Variants in TNNI3K observed in about 807,000 individuals in gnomAD.
The protein encoded by TNNI3K is serine/threonine-protein kinase TNNI3K.
TNNI3K carries 140 observed loss-of-function variants against 114.5 expected under a neutral mutation model. That is an observed-to-expected ratio of 1.22 (90% CI 1.07 to 1.41). TNNI3K has a LOEUF of 1.41. Among genes scored for constraint, TNNI3K ranks in the 40% most tolerant of loss-of-function variants. TNNI3K has a pLI of 0.00. For synonymous variants in TNNI3K, 347 were observed against 347.5 expected (o/e 1.00, Z 0.02); for missense variants, 1,125 against 1,007.6 (o/e 1.12, Z -1.58).
At chr1:74,252,939 T>C (rs1198124211) in intron 4 of TNNI3K, among the ~76,000 whole-genome samples, 2 of 152,192 alleles carry the variant, frequency 1.3e-5, no homozygotes, top group Non-Finnish European at 2.9e-5. Context: ...TATTCTCTTA[T>C]CTGGCCCCCA....
intron 5 of TNNI3K, among the ~76,000 whole-genome samples, chr1:74,317,382 A>C (rs2100371325): frequency 6.6e-6 from 1 of 152,328 alleles, no homozygotes; most frequent in East Asian, 1.9e-4. Context: ...TACAAATATT[A>C]ACTCTCAATC....
chr1:74,346,872 T>C (rs1228463470), intron 9 of TNNI3K, among the ~76,000 whole-genome samples: 4 of 151,886 alleles, frequency 2.6e-5, no homozygotes, highest in African/African-American at 9.7e-5. Flanking sequence ...TTCACATGGC[T>C]GCCTCTCTGT....
At chr1:74,240,312 CT>C (rs2100827487) in intron 2 of TNNI3K, 1 of 156,870 alleles carries the variant, frequency 6.4e-6, no homozygotes, top group East Asian at 1.8e-4. Flanking sequence ...ATGTAAAGTG[CT>C]TTAGCACAGT....
intron 24 of TNNI3K, among the ~76,000 whole-genome samples, chr1:74,541,833 C>T (rs1341807680): frequency 6.6e-6 from 1 of 152,190 alleles, no homozygotes; most frequent in African/African-American, 2.4e-5. Flanking sequence ...AGGAGCATCA[C>T]ATCATACAAG....
intron 17 of TNNI3K, chr1:74,371,537 T>A (rs902167790): frequency 6.6e-6 from 1 of 151,784 alleles, no homozygotes; most frequent in Non-Finnish European, 1.5e-5. Flanking sequence ...ATGGGTAGTT[T>A]GGAAGAGCAT....
chr1:74,480,787 G>T, intron 21 of TNNI3K: 1 of 717,580 alleles, frequency 1.4e-6, no homozygotes, highest in Non-Finnish European at 2.6e-6. Flanking sequence ...ATATTTGGTT[G>T]TGCTCCAGCA....
At chr1:74,246,632 A>C (rs1347044382) in intron 2 of TNNI3K, among the ~76,000 whole-genome samples, 1 of 152,186 alleles carries the variant, frequency 6.6e-6, no homozygotes, top group Non-Finnish European at 1.5e-5. Context: ...TTGTGATCCT[A>C]AGAAAAACTA....
chr1:74,330,543 G>C (rs1660141367), intron 5 of TNNI3K, among the ~76,000 whole-genome samples: 1 of 152,004 alleles, frequency 6.6e-6, no homozygotes. Flanking sequence ...TAAGATTATA[G>C]ATGAGACCAA....
Position 74,304,628 on chromosome 1 carries a change from A to G in TNNI3K, c.445-26822A>G, listed in dbSNP as rs549029061. Among the ~76,000 whole-genome samples, 6 of 152,024 alleles carry G rather than the reference A, an allele frequency of 3.9e-5. No homozygotes were observed. The East Asian group carries it at 1.2e-3, about 29-fold the overall frequency. On this transcript the variant is annotated intron_variant, in intron 5 of 24. Transcript: ENST00000326637. ...TGTCTAATTTTTATTTTTTTTTTAT[A>G]GAAATGGGGTCTCACTATGTTTCCC...
intron 5 of TNNI3K, among the ~76,000 whole-genome samples, chr1:74,317,878 G>T (rs941348660): frequency 5.3e-5 from 8 of 152,164 alleles, no homozygotes; most frequent in African/African-American, 1.4e-4. Context: ...TGATCAATGC[G>T]CTGCTGAGTC....
At chr1:74,509,004 C>A (rs532627376) in intron 23 of TNNI3K, among the ~76,000 whole-genome samples, 1 of 152,186 alleles carries the variant, frequency 6.6e-6, no homozygotes, top group African/African-American at 2.4e-5. Context: ...GTTCTACCCA[C>A]GGATGGATAA....
chr1:74,299,355 C>T (rs1030480582), intron 5 of TNNI3K, among the ~76,000 whole-genome samples: 14 of 151,992 alleles, frequency 9.2e-5, no homozygotes, highest in African/African-American at 1.9e-4. Context: ...ATTTTAAATA[C>T]GTTGTTAGTG....
intron 17 of TNNI3K, among the ~76,000 whole-genome samples, chr1:74,430,757 G>A (rs1665858887): frequency 6.6e-6 from 1 of 152,100 alleles, no homozygotes; most frequent in East Asian, 1.9e-4. Flanking sequence ...GACAAAGCTA[G>A]AGCCAAATCC....
intron 4 of TNNI3K, among the ~76,000 whole-genome samples, chr1:74,263,013 A>T (rs547085056): frequency 6.6e-4 from 101 of 152,196 alleles, no homozygotes; most frequent in African/African-American, 2.3e-3. Flanking sequence ...TATTTTAAGG[A>T]TGACATAAAT....
intron 4 of TNNI3K, among the ~76,000 whole-genome samples, chr1:74,260,884 C>CA (rs1263355900): frequency 1.3e-5 from 2 of 151,830 alleles, no homozygotes; most frequent in Non-Finnish European, 2.9e-5. Context: ...TATACATTAA[C>CA]AAAAAAACCC....
At chr1:74,389,556 A>G (rs1663659260) in intron 17 of TNNI3K, among the ~76,000 whole-genome samples, 2 of 152,048 alleles carry the variant, frequency 1.3e-5, no homozygotes, top group African/African-American at 4.8e-5. Context: ...TGTTCCTATC[A>G]CACTTGTTTT....
chr1:74,523,467 C>T (rs1036989922), intron 23 of TNNI3K, among the ~76,000 whole-genome samples: 1 of 151,126 alleles, frequency 6.6e-6, no homozygotes, highest in African/African-American at 2.4e-5. Context: ...TTTTGAAATG[C>T]CCAAAAGCAA....
At chr1:74,291,606 T>A (rs1384507162) in intron 5 of TNNI3K, among the ~76,000 whole-genome samples, 1 of 151,594 alleles carries the variant, frequency 6.6e-6, no homozygotes, top group East Asian at 1.9e-4. Flanking sequence ...CTATCCTAAG[T>A]TGACTGACTT....
intron 4 of TNNI3K, among the ~76,000 whole-genome samples, chr1:74,265,708 A>G (rs907518042): frequency 3.3e-5 from 5 of 152,072 alleles, no homozygotes; most frequent in African/African-American, 1.2e-4. Context: ...ATCTGATGTA[A>G]TCCTCACAAC....
Sources: gnomAD v4.1 joint callset for allele counts (sites outside exome capture counted in the v4.1 genomes callset) on GRCh38, gnomAD v4.1.1 for gene constraint, MANE v1.5 for transcripts, NCBI Gene and HGNC (gene_info 2026-07-23, HGNC 2026-07-21) for gene names.